Variants in ROR1 observed in about 807,000 individuals in gnomAD.
The protein encoded by ROR1 is ROR family WNT receptor 1, also known as inactive tyrosine-protein kinase transmembrane receptor ROR1.
ROR1 carries 19 observed loss-of-function variants against 78.8 expected under a neutral mutation model. The observed-to-expected ratio is 0.24, with a 90% CI of 0.17 to 0.35. The LOEUF is 0.35. Ranked by LOEUF, ROR1 falls within the 10% of genes least tolerant of loss-of-function variation. The pLI, the probability that ROR1 is intolerant of heterozygous loss-of-function variation, is 1.00. For synonymous variants in ROR1, 386 were observed against 433.6 expected (o/e 0.89, Z 1.36); for missense variants, 917 against 1,177.8 (o/e 0.78, Z 3.24).
chr1:64,074,491 C>G (rs935317622), intron 4 of ROR1, among the ~76,000 whole-genome samples: 2 of 152,060 alleles, frequency 1.3e-5, no homozygotes, highest in African/African-American at 4.8e-5. Context: ...TTAGGTGAGA[C>G]CAAGAGAATG....
chr1:63,781,222 C>T (rs1644649759), intron 1 of ROR1, among the ~76,000 whole-genome samples: 1 of 152,176 alleles, frequency 6.6e-6, no homozygotes, highest in Non-Finnish European at 1.5e-5. Context: ...AAAGTATTAA[C>T]TTTGCCCTCA....
chr1:63,871,691 A>T (rs562850009), intron 1 of ROR1, among the ~76,000 whole-genome samples: 1 of 152,312 alleles, frequency 6.6e-6, no homozygotes, highest in South Asian at 2.1e-4. Context: ...TGTAATTTAA[A>T]CTGACAAAAC....
At chr1:63,917,855 C>A (rs1381277859) in intron 1 of ROR1, among the ~76,000 whole-genome samples, 1 of 152,114 alleles carries the variant, frequency 6.6e-6, no homozygotes, top group Non-Finnish European at 1.5e-5. Context: ...ATGACAGGGC[C>A]TCTGCAGGCT....
intron 7 of ROR1, among the ~76,000 whole-genome samples, chr1:64,146,136 G>A (rs564170277): frequency 1.3e-5 from 2 of 152,300 alleles, no homozygotes; most frequent in East Asian, 3.9e-4. Context: ...GAGTACCTGG[G>A]ACTACAGGCA....
At chr1:63,961,224 T>C (rs1466368348) in intron 1 of ROR1, among the ~76,000 whole-genome samples, 1 of 152,128 alleles carries the variant, frequency 6.6e-6, no homozygotes, top group African/African-American at 2.4e-5. Context: ...GGGGAACCCA[T>C]ACACTGTTGG....
At chr1:63,961,580 A>C (rs1348395381) in intron 1 of ROR1, among the ~76,000 whole-genome samples, 1 of 152,226 alleles carries the variant, frequency 6.6e-6, no homozygotes, top group Non-Finnish European at 1.5e-5. Flanking sequence ...AGAATATGCC[A>C]AGCACAGAAA....
intron 1 of ROR1, among the ~76,000 whole-genome samples, chr1:64,003,853 C>A (rs1646407115): frequency 6.6e-6 from 1 of 152,246 alleles, no homozygotes; most frequent in Non-Finnish European, 1.5e-5. Flanking sequence ...CTTCACCAAA[C>A]AACATCTAAA....
intron 1 of ROR1, among the ~76,000 whole-genome samples, chr1:63,929,246 G>A (rs1645732457): frequency 6.6e-6 from 1 of 152,190 alleles, no homozygotes; most frequent in Non-Finnish European, 1.5e-5. Flanking sequence ...GATTGCTGGT[G>A]TGATAAGTCA....
chr1:63,905,672 G>A (rs1645522347), intron 1 of ROR1, among the ~76,000 whole-genome samples: 1 of 152,120 alleles, frequency 6.6e-6, no homozygotes, highest in Non-Finnish European at 1.5e-5. Context: ...AAGCATACAT[G>A]GTAATAGACA....
At chr1:63,996,700 C>A (rs1425668906) in intron 1 of ROR1, among the ~76,000 whole-genome samples, 2 of 151,860 alleles carry the variant, frequency 1.3e-5, no homozygotes, top group African/African-American at 4.8e-5. Flanking sequence ...TTCTTTTTTT[C>A]CCCCCTTTCA....
intron 7 of ROR1, among the ~76,000 whole-genome samples, chr1:64,145,219 T>C (rs1038450927): frequency 2.2e-4 from 34 of 152,186 alleles, no homozygotes; most frequent in African/African-American, 7.7e-4. Flanking sequence ...AAATGATTCA[T>C]GCTTTTGAGG....
At chr1:63,930,840 A>G (rs1445114313) in intron 1 of ROR1, among the ~76,000 whole-genome samples, 1 of 152,212 alleles carries the variant, frequency 6.6e-6, no homozygotes, top group Admixed American at 6.5e-5. Context: ...TAATTAGTGT[A>G]CTTGAAATGT....
chr1:63,859,237 T>G (rs74077457), intron 1 of ROR1, among the ~76,000 whole-genome samples: 6,359 of 152,264 alleles, frequency 0.042, 306 homozygotes, highest in African/African-American at 0.11. Context: ...CGCTTTTAAG[T>G]AAGACAGTCA....
At chr1:63,781,496 G>A (rs374460636) in intron 1 of ROR1, among the ~76,000 whole-genome samples, 65 of 152,240 alleles carry the variant, frequency 4.3e-4, no homozygotes, top group African/African-American at 1.4e-3. Flanking sequence ...GTGTGATTGG[G>A]GAGACACCAA....
At chr1:64,123,672 A>G (rs1435619762) in intron 4 of ROR1, among the ~76,000 whole-genome samples, 3 of 107,584 alleles carry the variant, frequency 2.8e-5, no homozygotes, top group Non-Finnish European at 5.8e-5. Context: ...TACTAAGGAT[A>G]AAAAACGAGG....
At chr1:64,101,008 C>T (rs963182291) in intron 4 of ROR1, among the ~76,000 whole-genome samples, 2 of 152,074 alleles carry the variant, frequency 1.3e-5, no homozygotes, top group South Asian at 2.1e-4. Flanking sequence ...GATGCTGGCA[C>T]GTAGTGCATT....
chr1:63,892,401 C>T (rs963923994), intron 1 of ROR1, among the ~76,000 whole-genome samples: 5 of 152,104 alleles, frequency 3.3e-5, no homozygotes, highest in African/African-American at 9.7e-5. Flanking sequence ...ATTAAGGAGA[C>T]TTGAGTGTGG....
intron 1 of ROR1, among the ~76,000 whole-genome samples, chr1:63,955,604 G>T (rs986042713): frequency 1.3e-5 from 2 of 152,072 alleles, no homozygotes; most frequent in Admixed American, 1.3e-4. Context: ...CTGTTTTTGT[G>T]TTTCTTTTCT....
In ROR1 at chr1:63,942,855, T is replaced by G. The variant is rs1645851991; in HGVS notation, c.92-66450T>G. ...CTGTAATTCCAGCAGATTGGGAAGC[T>G]GAGGCCAGAAGATCATATGAGCCCA... On this transcript the variant is annotated intron_variant, in intron 1 of 8. Transcript: ENST00000371079. Among the ~76,000 whole-genome samples, 3 of 152,244 alleles carry G rather than the reference T, an allele frequency of 2.0e-5. No individual in the cohort carries two copies. The South Asian group carries it at 6.2e-4, about 32-fold the overall frequency.
Sources: allele counts gnomAD v4.1 joint callset (sites outside exome capture counted in the v4.1 genomes callset), GRCh38; gene constraint gnomAD v4.1.1; transcripts MANE v1.5; gene names NCBI Gene and HGNC (gene_info 2026-07-23, HGNC 2026-07-21).